The following CHSY1 variants were observed in gnomAD, a reference collection of about 807,000 sequenced individuals.
The protein encoded by CHSY1 is N-acetylgalactosaminyl-proteoglycan 3-beta-glucuronosyltransferase 1.
Under a neutral mutation model 59.8 loss-of-function variants are expected in CHSY1, and 13 were observed. That is an observed-to-expected ratio of 0.22 (90% CI 0.14 to 0.35). The LOEUF (loss-of-function observed/expected upper bound fraction) is 0.35, where lower values mean the gene tolerates loss of function less well. Ranked by LOEUF, CHSY1 falls within the 10% of genes least tolerant of loss-of-function variation. The pLI is 1.00. For synonymous variants in CHSY1, 459 were observed against 401.2 expected, an observed-to-expected ratio of 1.14 and a Z score of -1.72; for missense variants, 947 against 1,030.6, an observed-to-expected ratio of 0.92 and a Z score of 1.11.
chr15:101,240,143 G>A (rs2038988151), intron 1 of CHSY1, among the ~76,000 whole-genome samples: 1 of 152,152 alleles, frequency 6.6e-6, no homozygotes, highest in Admixed American at 6.5e-5. Flanking sequence ...TGGTTTGAGG[G>A]AAATCTCTCA....
chr15:101,183,627 C>T (rs189080654), intron 2 of CHSY1, among the ~76,000 whole-genome samples: 2 of 152,160 alleles, frequency 1.3e-5, no homozygotes, highest in African/African-American at 4.8e-5. Flanking sequence ...AAGAAGATGA[C>T]AGGATCCAGG....
At chr15:101,193,447 C>A (rs1414066222) in intron 2 of CHSY1, among the ~76,000 whole-genome samples, 1 of 152,044 alleles carries the variant, frequency 6.6e-6, no homozygotes, top group Non-Finnish European at 1.5e-5. Context: ...TCAGAACATT[C>A]ATTTCTTCCC....
intron 2 of CHSY1, among the ~76,000 whole-genome samples, chr15:101,221,220 G>A (rs930057805): frequency 6.6e-6 from 1 of 152,202 alleles, no homozygotes; most frequent in Admixed American, 6.5e-5. Flanking sequence ...CAGGCCGGGT[G>A]CGGTGGCTCA....
At chr15:101,220,182 G>C (rs747304797) in intron 2 of CHSY1, among the ~76,000 whole-genome samples, 3 of 152,162 alleles carry the variant, frequency 2.0e-5, no homozygotes, top group Non-Finnish European at 2.9e-5. Flanking sequence ...TGCAAACTAA[G>C]CAAACGTAAA....
intron 1 of CHSY1, 136 bp from the exon 2 acceptor site, chr15:101,235,713 A>G (rs1304804506): frequency 1.1e-6 from 1 of 925,188 alleles, no homozygotes; most frequent in Admixed American, 2.2e-5. Flanking sequence ...GGTTCCTCTT[A>G]ACGAAAGCCC....
Position 101,192,501 on chromosome 15 carries a change from C to T in CHSY1, c.817-13521G>A, listed in dbSNP as rs144624354. 4.3e-3 allele frequency among the ~76,000 whole-genome samples: 654 copies of T among 152,036 alleles called. 9 individuals carry two copies. The highest frequency in any genetic ancestry group is 0.015 in the African/African-American group (632 of 41,386). On this transcript the variant is annotated intron_variant, in intron 2 of 2. Coordinates refer to ENST00000254190, the MANE Select transcript of CHSY1 (RefSeq NM_014918.5). ...AGACCAGCCAAGGCAAGACAGCCAA[C>T]CTTAACCCCAACTCCCCCCACTCCC...
chr15:101,207,909 C>G (rs2038643671), intron 2 of CHSY1, among the ~76,000 whole-genome samples: 1 of 152,300 alleles, frequency 6.6e-6, no homozygotes, highest in East Asian at 1.9e-4. Context: ...TGAGGGTGGG[C>G]TGGTGCAGTG....
intron 1 of CHSY1, among the ~76,000 whole-genome samples, chr15:101,246,538 A>G (rs1341594149): frequency 6.6e-6 from 1 of 152,208 alleles, no homozygotes. Context: ...TGGTACTGGC[A>G]CAAGAACAGA....
chr15:101,246,666 G>A (rs1027724694), intron 1 of CHSY1, among the ~76,000 whole-genome samples: 1 of 152,190 alleles, frequency 6.6e-6, no homozygotes. Context: ...GGTACATGGT[G>A]CTGCGACCAC....
intron 2 of CHSY1, among the ~76,000 whole-genome samples, chr15:101,212,396 T>TA (rs538681109): frequency 4.7e-4 from 72 of 152,134 alleles, no homozygotes; most frequent in Admixed American, 9.8e-4. Flanking sequence ...TTCATAATAG[T>TA]AAAAAAACTA....
chr15:101,177,339 G>C lies in CHSY1; in HGVS notation c.*49C>G, dbSNP rs944587697. 17 of 1,573,002 alleles carry C rather than the reference G, an allele frequency of 1.1e-5. No homozygotes were observed. In the African/African-American group the frequency reaches 1.7e-4, roughly 15 times the overall value. Reference sequence around the variant, plus strand: ...AAAACTGATCATACAAAAAATTTTTGAAAAATAAATTAGATAATTAAAAAC... The same window carrying C: ...AAAACTGATCATACAAAAAATTTTTCAAAAATAAATTAGATAATTAAAAAC... On this transcript the variant is annotated 3_prime_UTR_variant, in exon 3 of 3. Transcript: ENST00000254190.
In CHSY1 at chr15:101,176,795, CA is replaced by C. The variant is rs2038195230; in HGVS notation, c.*592del. The C allele has an allele frequency of 5.7e-6, 1 of 175,968 alleles. No homozygotes were observed. Among genetic ancestry groups the C allele is most frequent in the African/African-American group, 2.4e-5 (1 of 42,452 alleles). 10.9% of individuals were successfully genotyped at this position (175,968 alleles called of 1,614,324 possible). On this transcript the variant is annotated 3_prime_UTR_variant, in exon 3 of 3. Coordinates refer to ENST00000254190, the MANE Select transcript of CHSY1 (RefSeq NM_014918.5). ...TGGGTAACAGAGTGAGACTCCGTCTCAAAAAAAGAACAAAACAAAACAAACA... is the reference window on the plus strand; with the variant it reads ...TGGGTAACAGAGTGAGACTCCGTCTCAAAAAAGAACAAAACAAAACAAACA...
intron 2 of CHSY1, among the ~76,000 whole-genome samples, chr15:101,200,604 G>A (rs1038648893): frequency 1.3e-5 from 2 of 152,160 alleles, no homozygotes; most frequent in African/African-American, 4.8e-5. Flanking sequence ...ACCCCCAGAT[G>A]GGTCAGGGAC....
intron 2 of CHSY1, among the ~76,000 whole-genome samples, chr15:101,232,769 A>G (rs76252671): frequency 0.028 from 4,252 of 152,346 alleles, 147 homozygotes; most frequent in African/African-American, 0.077. Flanking sequence ...TTCAGCAGAA[A>G]TACGGGCCAA....
chr15:101,221,533 T>G lies in CHSY1; in HGVS notation c.816+13549A>C, dbSNP rs796970899. Among the ~76,000 whole-genome samples the G allele has an allele frequency of 3.3e-5, 5 of 152,240 alleles. No homozygotes were observed. In the South Asian group the frequency reaches 1.0e-3, roughly 31 times the overall value. Reference sequence around the variant, plus strand: ...AGTTTTAAAAATTAAGTTTGTATTATCTGGGATATTCAATATCCATGCTCA... The same window carrying G: ...AGTTTTAAAAATTAAGTTTGTATTAGCTGGGATATTCAATATCCATGCTCA... On this transcript the variant is annotated intron_variant, in intron 2 of 2. Coordinates refer to ENST00000254190, the MANE Select transcript of CHSY1 (RefSeq NM_014918.5).
At chr15:101,184,923 CT>C (rs1438139542) in intron 2 of CHSY1, among the ~76,000 whole-genome samples, 2 of 152,208 alleles carry the variant, frequency 1.3e-5, no homozygotes, top group African/African-American at 2.4e-5. Context: ...CTGTAATGAT[CT>C]TTAAAAAAAT....
chr15:101,185,007 G>C (rs1246894990), intron 2 of CHSY1, among the ~76,000 whole-genome samples: 1 of 152,212 alleles, frequency 6.6e-6, no homozygotes, highest in Non-Finnish European at 1.5e-5. Context: ...CAGGTGAGCA[G>C]ACACTCTGTC....
At position 101,196,064 on chromosome 15, in the gene CHSY1, C is replaced by T. The variant is rs146500581; in HGVS notation, c.817-17084G>A. Among the ~76,000 whole-genome samples the T allele has an allele frequency of 9.0e-3, 1,371 of 151,834 alleles. 22 individuals carry two copies. The highest frequency in any genetic ancestry group is 0.032 in the African/African-American group (1,309 of 41,364). Reference sequence around the variant, plus strand: ...AGGAGTTCGAGATCAGCTTGGCTAACGTGGTGAAACCCTGTCTCTACTAAA... The same window carrying T: ...AGGAGTTCGAGATCAGCTTGGCTAATGTGGTGAAACCCTGTCTCTACTAAA... On this transcript the variant is annotated intron_variant, in intron 2 of 2. Transcript: ENST00000254190.
chr15:101,246,535 G>A (rs1304777257), intron 1 of CHSY1, among the ~76,000 whole-genome samples: 1 of 152,116 alleles, frequency 6.6e-6, no homozygotes, highest in Non-Finnish European at 1.5e-5. Flanking sequence ...GGGTGGTACT[G>A]GCACAAGAAC....
Sources: gnomAD v4.1 joint callset for allele counts (sites outside exome capture counted in the v4.1 genomes callset) on GRCh38, gnomAD v4.1.1 for gene constraint, MANE v1.5 for transcripts, NCBI Gene and HGNC (gene_info 2026-07-23, HGNC 2026-07-21) for gene names.